MGAT5B: variants seen among roughly 807,000 people sequenced by gnomAD.
MGAT5B encodes alpha-1,6-mannosylglycoprotein 6-beta-N-acetylglucosaminyltransferase B, also known as N-acetylglucosaminyl-transferase Vb.
Under a neutral mutation model 95.1 loss-of-function variants are expected in MGAT5B, and 54 were observed. The observed-to-expected ratio is 0.57, with a 90% confidence interval of 0.46 to 0.71. The LOEUF is 0.71. Among genes scored for constraint, MGAT5B ranks in the 30% least tolerant of loss-of-function variants. MGAT5B has a pLI of 0.00. For synonymous variants in MGAT5B, 464 were observed against 451.0 expected, an observed-to-expected ratio of 1.03 and a Z score of -0.36; for missense variants, 935 against 1,088.6, an observed-to-expected ratio of 0.86 and a Z score of 1.99.
rs11869702 is a variant in MGAT5B at position 76,914,882 on chromosome 17, C to T, written c.1025+8695C>T. On this transcript the variant is annotated intron_variant, in intron 8 of 17. Coordinates refer to ENST00000569840, the MANE Select transcript of MGAT5B (RefSeq NM_001199172.2). This position sits in a 1 kb window ranked among gnomAD's most constrained non-coding sequence, Gnocchi z 5.1. ...CAAACTCCTGACCTCAGGTGTTCCA[C>T]CCACCTCGGCCTCCCAAAGTGCTGG... Among the ~76,000 whole-genome samples the T allele has an allele frequency of 0.32, 49,165 of 152,082 alleles. 8,634 individuals are homozygous for T. Among genetic ancestry groups the T allele is most frequent in the East Asian group, 0.74 (3,815 of 5,154 alleles).
chr17:76,934,803 C>A (rs907421065), intron 12 of MGAT5B, among the ~76,000 whole-genome samples: 17 of 152,154 alleles, frequency 1.1e-4, no homozygotes, highest in African/African-American at 3.4e-4. Flanking sequence ...AAAAAGACAT[C>A]TTTGCCCTGG....
intron 3 of MGAT5B, among the ~76,000 whole-genome samples, chr17:76,902,023 C>G (rs1968331076): frequency 6.6e-6 from 1 of 152,284 alleles, no homozygotes; most frequent in East Asian, 1.9e-4. Flanking sequence ...GGCACATGTA[C>G]AGTTGTGGCC....
At chr17:76,892,652 G>A (rs1413509945) in intron 3 of MGAT5B, among the ~76,000 whole-genome samples, 1 of 152,260 alleles carries the variant, frequency 6.6e-6, no homozygotes. Flanking sequence ...CAAGGGGAGC[G>A]GCGCACGGGC....
At chr17:76,879,743 G>T (rs1967336638) in intron 2 of MGAT5B, among the ~76,000 whole-genome samples, 1 of 152,214 alleles carries the variant, frequency 6.6e-6, no homozygotes, top group Admixed American at 6.5e-5. Context: ...GAATTTGGAT[G>T]ATGGGCTTGG....
chr17:76,903,318 G>A lies in MGAT5B; in HGVS notation c.461G>A (p.Arg154Gln), dbSNP rs376602326. The change falls in exon 5 of 18, where the codon CGG (arginine) becomes CAG (glutamine). Residue 154 changes from arginine to glutamine, a missense_variant. Transcript: ENST00000569840. Reference sequence around the variant, plus strand: ...CTCCCTACAGTGTCAGAAGGCCGGCGGGACCAGTGTGAGGCACCCAGTGAC... The same window carrying A: ...CTCCCTACAGTGTCAGAAGGCCGGCAGGACCAGTGTGAGGCACCCAGTGAC... ...LLHSKVSEGR[R>Q]DQCEAPSDPK... The A allele has an allele frequency of 7.6e-5, 122 of 1,610,678 alleles. No individual in the cohort carries two copies. In the South Asian group the frequency reaches 9.0e-4, roughly 12 times the overall value.
chr17:76,920,471 C>T lies in MGAT5B; in HGVS notation c.1026-4495C>T, dbSNP rs111888505. Among the ~76,000 whole-genome samples the T allele has an allele frequency of 9.9e-5, 15 of 152,280 alleles. 4 individuals carry two copies. Among genetic ancestry groups the T allele is most frequent in the African/African-American group, 3.6e-4 (15 of 41,558 alleles). ...AGCCAATCACTTAGCGTAAAATTGC[C>T]CATGAAAGTAAACTTAAATTACAAG... is the stretch of plus-strand genomic sequence containing the variant. On this transcript the variant is annotated intron_variant, in intron 8 of 17. Transcript: ENST00000569840.
At chr17:76,943,199 G>GA (rs10628068) in intron 15 of MGAT5B, among the ~76,000 whole-genome samples, 79 of 151,254 alleles carry the variant, frequency 5.2e-4, no homozygotes, top group African/African-American at 1.5e-3. Context: ...TTTCCTGTTT[G>GA]GTTTTTTTTT....
intron 10 of MGAT5B, among the ~76,000 whole-genome samples, chr17:76,927,413 T>C (rs1224453337): frequency 1.3e-5 from 2 of 152,132 alleles, no homozygotes; most frequent in South Asian, 2.1e-4. Context: ...CTAATTTTTA[T>C]ATTTTTTGTA....
chr17:76,882,540 A>T, intron 3 of MGAT5B: 1 of 433,770 alleles, frequency 2.3e-6, no homozygotes, highest in Non-Finnish European at 4.0e-6. Flanking sequence ...CCTTTTAATG[A>T]CTTCTCCCTA....
intron 3 of MGAT5B, among the ~76,000 whole-genome samples, chr17:76,897,725 C>CTTTCTTTT (rs1555589122): frequency 1.5e-5 from 1 of 66,168 alleles, no homozygotes; most frequent in African/African-American, 9.4e-5. Flanking sequence ...TTCTTTCTTT[C>CTTTCTTTT]TTTTTCTTTT....
rs1970092978 is a variant in MGAT5B, at chr17:76,948,106, C to T, written c.2180+20C>T. 1 of 1,544,788 alleles carries T rather than the reference C, an allele frequency of 6.5e-7. No individual in the cohort carries two copies. On this transcript the variant is annotated intron_variant, in intron 17 of 17. Transcript: ENST00000569840. Reference sequence around the variant, plus strand: ...CCTCAAGTGAGTGTTCCCCCACCCTCCCCACCCAGCCGCTATCATCGCTGG... The same window carrying T: ...CCTCAAGTGAGTGTTCCCCCACCCTTCCCACCCAGCCGCTATCATCGCTGG...
intron 2 of MGAT5B, among the ~76,000 whole-genome samples, chr17:76,879,941 T>A (rs1355954399): frequency 2.0e-5 from 3 of 152,106 alleles, no homozygotes; most frequent in East Asian, 3.9e-4. Flanking sequence ...AGTGTGTGAG[T>A]GCGTGGGGAG....
intron 3 of MGAT5B, among the ~76,000 whole-genome samples, chr17:76,896,917 C>T (rs973094854): frequency 6.6e-6 from 1 of 152,102 alleles, no homozygotes; most frequent in Middle Eastern, 3.4e-3. Flanking sequence ...CCTAGATTTT[C>T]TCTCTCTCTC....
chr17:76,929,653 C>CA (rs1969421044), intron 10 of MGAT5B, among the ~76,000 whole-genome samples: 1 of 152,050 alleles, frequency 6.6e-6, no homozygotes, highest in Non-Finnish European at 1.5e-5. Flanking sequence ...AAAGTGGGGA[C>CA]AAAAGGGAAG....
At chr17:76,897,012 G>C (rs193087965) in intron 3 of MGAT5B, among the ~76,000 whole-genome samples, 1 of 151,978 alleles carries the variant, frequency 6.6e-6, no homozygotes, top group Admixed American at 6.6e-5. Context: ...TGGACCTCAC[G>C]GGCGCAAACG....
In MGAT5B at chr17:76,914,398, G is replaced by C. The variant is rs2145213510; in HGVS notation, c.1025+8211G>C. On this transcript the variant is annotated intron_variant, in intron 8 of 17. Transcript: ENST00000569840. The surrounding 1 kb of genome is among the most constrained non-coding windows in gnomAD (Gnocchi z 5.1). ...CGCAGGCAGGTGTGTTTGCCTCCTG[G>C]GGGTGACCAGTCAAAAGACCACATG... Among the ~76,000 whole-genome samples, 1 of 152,280 alleles carries C rather than the reference G, an allele frequency of 6.6e-6. No individual in the cohort carries two copies. Among genetic ancestry groups the C allele is most frequent in the South Asian group, 2.1e-4 (1 of 4,830 alleles).
chr17:76,873,200 G>C lies in MGAT5B; in HGVS notation c.181+237G>C, dbSNP rs542241285. ...AGGCCAGGCTAGGGCCTTTAAGCCA[G>C]GGTCTTCCAGGCCTCAGAAGAGGCT... On this transcript the variant is annotated intron_variant, in intron 2 of 17. Transcript: ENST00000569840. 2.8e-4 allele frequency among the ~76,000 whole-genome samples: 42 copies of C among 152,376 alleles called. 1 individual carries two copies. Among genetic ancestry groups the C allele is most frequent in the African/African-American group, 9.9e-4 (41 of 41,586 alleles).
chr17:76,902,355 G>A (rs1282281002), intron 3 of MGAT5B, among the ~76,000 whole-genome samples, 200 bp from the exon 4 acceptor site: 1 of 152,218 alleles, frequency 6.6e-6, no homozygotes, highest in Non-Finnish European at 1.5e-5. Flanking sequence ...TCTGTAATGT[G>A]TGTACTGGAT....
At chr17:76,900,876 T>C (rs1968279770) in intron 3 of MGAT5B, among the ~76,000 whole-genome samples, 1 of 139,872 alleles carries the variant, frequency 7.1e-6, no homozygotes, top group South Asian at 2.4e-4. Flanking sequence ...TGTGCATGTG[T>C]GCGTGTGTGT....
Sources: allele counts gnomAD v4.1 joint callset (sites outside exome capture counted in the v4.1 genomes callset), GRCh38; gene constraint gnomAD v4.1.1; non-coding constraint Gnocchi (gnomAD v3.1); transcripts MANE v1.5; gene names NCBI Gene and HGNC (gene_info 2026-07-23, HGNC 2026-07-21).